The following LRP1B variants were observed in gnomAD, a reference collection of about 807,000 sequenced individuals.
LRP1B encodes low-density lipoprotein receptor-related protein 1B.
Under a neutral mutation model 556.6 loss-of-function variants are expected in LRP1B, and 217 were observed. The ratio of observed to expected loss-of-function variants is 0.39; its 90% CI spans 0.35 to 0.44. LRP1B has a LOEUF of 0.44. Among genes scored for constraint, LRP1B ranks in the 20% least tolerant of loss-of-function variants. The probability of loss-of-function intolerance (pLI) is 1.00; values close to 1 mark genes in which losing one functional copy is unlikely to be tolerated. For missense variants in LRP1B, 5,053 were observed against 5,620.8 expected, an observed-to-expected ratio of 0.90 and a Z score of 3.23; for synonymous variants, 2,047 against 1,865.8, an observed-to-expected ratio of 1.10 and a Z score of -2.50.
chr2:141,993,573 G>A (rs569057810), intron 1 of LRP1B, among the ~76,000 whole-genome samples: 11 of 152,094 alleles, frequency 7.2e-5, no homozygotes, highest in Non-Finnish European at 1.0e-4. Flanking sequence ...ATAGCCAATA[G>A]ACAGGATTCA....
intron 2 of LRP1B, among the ~76,000 whole-genome samples, chr2:141,504,672 T>G (rs1336445885): frequency 6.6e-6 from 1 of 152,042 alleles, no homozygotes; most frequent in Non-Finnish European, 1.5e-5. Context: ...CACCAAAGGA[T>G]CAAGAACACT....
chr2:140,903,285 A>G (rs948687368), intron 22 of LRP1B, 120 bp from the exon 23 acceptor site: 27 of 1,186,988 alleles, frequency 2.3e-5, no homozygotes, highest in Non-Finnish European at 2.6e-5. Flanking sequence ...TGAATATAAG[A>G]AAGCCCTCTT....
intron 7 of LRP1B, among the ~76,000 whole-genome samples, chr2:141,141,464 G>T (rs889345858): frequency 2.0e-5 from 3 of 152,074 alleles, no homozygotes; most frequent in African/African-American, 7.2e-5. Context: ...CTTTTTAAAG[G>T]ATTTATTCAT....
At chr2:140,364,974 A>T (rs1013670204) in intron 71 of LRP1B, among the ~76,000 whole-genome samples, 191 bp from the exon 72 acceptor site, 1 of 151,504 alleles carries the variant, frequency 6.6e-6, no homozygotes, top group African/African-American at 2.4e-5. Flanking sequence ...TTCATTGTTG[A>T]CATTTCAAAA....
chr2:141,215,115 T>C (rs1223161337), intron 6 of LRP1B, among the ~76,000 whole-genome samples: 2 of 152,162 alleles, frequency 1.3e-5, no homozygotes, highest in African/African-American at 4.8e-5. Context: ...CTTGGTGCTG[T>C]CCTCACAATA....
At chr2:140,812,086 GA>G (rs1290709768) in intron 32 of LRP1B, among the ~76,000 whole-genome samples, 2 of 152,038 alleles carry the variant, frequency 1.3e-5, no homozygotes, top group East Asian at 3.8e-4. Flanking sequence ...AGTAGTTTAG[GA>G]ATAAGCTTAA....
At chr2:141,508,085 C>CCA (rs1553523432) in intron 2 of LRP1B, among the ~76,000 whole-genome samples, 2 of 29,400 alleles carry the variant, frequency 6.8e-5, no homozygotes, top group East Asian at 9.9e-3. Context: ...GACTCCATCC[C>CCA]CCCCCCAAAA....
intron 6 of LRP1B, among the ~76,000 whole-genome samples, chr2:141,202,497 T>C (rs1682075819): frequency 6.6e-6 from 1 of 152,204 alleles, no homozygotes; most frequent in Non-Finnish European, 1.5e-5. Flanking sequence ...GCCACATTGC[T>C]TTCCACAATG....
At chr2:141,557,691 A>G (rs538800493) in intron 2 of LRP1B, among the ~76,000 whole-genome samples, 2 of 152,014 alleles carry the variant, frequency 1.3e-5, no homozygotes, top group Admixed American at 1.3e-4. Context: ...ACCTGGAGAA[A>G]CCTTGTGGAA....
chr2:140,940,539 A>G (rs1474300241), intron 20 of LRP1B, among the ~76,000 whole-genome samples: 2 of 152,152 alleles, frequency 1.3e-5, no homozygotes, highest in Non-Finnish European at 2.9e-5. Context: ...CCACCTTTTC[A>G]CAAGAACCTT....
chr2:142,102,854 T>C (rs1298389155), intron 1 of LRP1B, among the ~76,000 whole-genome samples: 6 of 151,934 alleles, frequency 3.9e-5, no homozygotes, highest in African/African-American at 1.4e-4. Flanking sequence ...ATCTTACCTT[T>C]TAAAATATAA....
At chr2:140,737,928 T>C (rs778462297) in intron 35 of LRP1B, among the ~76,000 whole-genome samples, 6 of 152,176 alleles carry the variant, frequency 3.9e-5, no homozygotes, top group Non-Finnish European at 5.9e-5. Context: ...CTCAGGTACA[T>C]AGTATGCAGC....
intron 2 of LRP1B, among the ~76,000 whole-genome samples, chr2:141,738,646 T>G (rs545099469): frequency 6.6e-6 from 1 of 152,304 alleles, no homozygotes; most frequent in African/African-American, 2.4e-5. Flanking sequence ...TCAGTTTTCA[T>G]GGTTAAAGTT....
rs529169123 is a variant in LRP1B at position 141,668,152 on chromosome 2, G to A, written c.205+142127C>T. ...AGGTTCCATCAGCCTTCAATACTCA[G>A]CATTTCTAAATATACAAACCATTTC... On this transcript the variant is annotated intron_variant, in intron 2 of 90. Transcript: ENST00000389484. Among the ~76,000 whole-genome samples the A allele has an allele frequency of 2.0e-4, 31 of 152,268 alleles. 1 individual carries two copies. In the South Asian group the frequency reaches 5.6e-3, roughly 27 times the overall value.
intron 42 of LRP1B, 73 bp downstream of exon 42, chr2:140,601,377 T>C: frequency 1.7e-6 from 2 of 1,195,550 alleles, no homozygotes; most frequent in Non-Finnish European, 2.2e-6. Context: ...AGTTAATTCT[T>C]AAAATTAACA....
chr2:140,325,576 G>A (rs920815176), intron 80 of LRP1B, among the ~76,000 whole-genome samples, 186 bp downstream of exon 80: 7 of 152,048 alleles, frequency 4.6e-5, no homozygotes, highest in African/African-American at 7.2e-5. Flanking sequence ...ACAAACTTCT[G>A]CCCTGGCCTC....
At chr2:141,718,662 C>T (rs1294881982) in intron 2 of LRP1B, among the ~76,000 whole-genome samples, 2 of 152,070 alleles carry the variant, frequency 1.3e-5, no homozygotes, top group Non-Finnish European at 2.9e-5. Flanking sequence ...TTACGTACTA[C>T]AGCAATGGTA....
intron 1 of LRP1B, 151 bp downstream of exon 1, chr2:142,130,497 C>T (rs1707811384): frequency 6.3e-6 from 4 of 634,692 alleles, no homozygotes; most frequent in Admixed American, 3.0e-5. Context: ...CCGCACCTCT[C>T]ACCCCCGCAC....
intron 3 of LRP1B, among the ~76,000 whole-genome samples, chr2:141,479,844 A>T (rs1018165865): frequency 2.0e-5 from 3 of 152,322 alleles, no homozygotes; most frequent in Middle Eastern, 3.4e-3. Context: ...CATATCATTA[A>T]TATCTAGGTA....
Sources: gnomAD v4.1 joint callset for allele counts (sites outside exome capture counted in the v4.1 genomes callset) on GRCh38, gnomAD v4.1.1 for gene constraint, MANE v1.5 for transcripts, NCBI Gene and HGNC (gene_info 2026-07-23, HGNC 2026-07-21) for gene names.